TMEM67: variants seen among roughly 807,000 people sequenced by gnomAD.
TMEM67 encodes transmembrane protein 67, also known as meckelin.
Under a neutral mutation model 136.6 loss-of-function variants are expected in TMEM67, and 124 were observed. The observed-to-expected ratio is 0.91, with a 90% CI of 0.78 to 1.05. The LOEUF is 1.05. Ranked by LOEUF, TMEM67 falls within the 50% of genes least tolerant of loss-of-function variation. The pLI is 0.00. For synonymous variants in TMEM67, 364 were observed against 390.5 expected, an observed-to-expected ratio of 0.93 and a Z score of 0.80; for missense variants, 1,107 against 1,178.4, an observed-to-expected ratio of 0.94 and a Z score of 0.89.
chr8:93,755,593 C>A (rs998026472), intron 1 of TMEM67, among the ~76,000 whole-genome samples, 185 bp from the exon 2 acceptor site: 1 of 152,108 alleles, frequency 6.6e-6, no homozygotes, highest in Non-Finnish European at 1.5e-5. Flanking sequence ...AGGATTACTA[C>A]GATTGGAACT....
chr8:93,820,596 G>A (rs1809027871), downstream of TMEM67, among the ~76,000 whole-genome samples: 1 of 152,098 alleles, frequency 6.6e-6, no homozygotes, highest in Non-Finnish European at 1.5e-5. Context: ...TGCAATTTGG[G>A]CAAGTCATGA....
intron 14 of TMEM67, among the ~76,000 whole-genome samples, chr8:93,791,036 C>T (rs1446921298): frequency 6.6e-6 from 1 of 152,156 alleles, no homozygotes; most frequent in Non-Finnish European, 1.5e-5. Flanking sequence ...AACTTATCTC[C>T]TAATGAGCCC....
At chr8:93,782,509 A>T (rs1813884926) in intron 11 of TMEM67, 49 bp downstream of exon 11, 1 of 1,432,790 alleles carries the variant, frequency 7.0e-7, no homozygotes, top group Non-Finnish European at 9.8e-7. Flanking sequence ...TTTTCAAAAT[A>T]TCATGTCAGC....
rs7828806 is a variant in TMEM67 at position 93,779,714 on chromosome 8, C to T, written c.715-879C>T. On this transcript the variant is annotated intron_variant, in intron 7 of 27. Coordinates refer to ENST00000453321, the MANE Select transcript of TMEM67 (RefSeq NM_153704.6). ...ATTACCAGCGGAGGTTGTAGAACAGCAAATATTGCTGCCTGATCCTTCCTC... is the reference window on the plus strand; with the variant it reads ...ATTACCAGCGGAGGTTGTAGAACAGTAAATATTGCTGCCTGATCCTTCCTC... Among the ~76,000 whole-genome samples, 849 of 152,304 alleles carry T rather than the reference C, an allele frequency of 5.6e-3. 7 individuals carry two copies. Among genetic ancestry groups the T allele is most frequent in the Non-Finnish European group, 7.1e-3 (484 of 68,030 alleles).
At chr8:93,785,688 A>T (rs1024421510) in intron 12 of TMEM67, 4 of 257,556 alleles carry the variant, frequency 1.6e-5, no homozygotes, top group African/African-American at 6.8e-5. Flanking sequence ...TGGACAAATT[A>T]GTTTCTTTTG....
chr8:93,795,836 AAAAC>A lies in TMEM67; in HGVS notation c.1774-49_1774-46del, dbSNP rs566892857. 361 of 1,338,342 alleles carry A rather than the reference AAAAC, an allele frequency of 2.7e-4. No homozygotes were observed. The East Asian group carries it at 3.3e-3, about 12-fold the overall frequency. 82.9% of individuals were successfully genotyped at this position (1,338,342 alleles called of 1,614,324 possible). On this transcript the variant is annotated intron_variant, in intron 17 of 27. Coordinates refer to ENST00000453321, the MANE Select transcript of TMEM67 (RefSeq NM_153704.6). ...CAAAAAAAAACAAAAACGAAAACAA[AAAAC>A]AAACAAACAAACAAAAAAAACTGTG...
At chr8:93,804,949 TAA>T in intron 23 of TMEM67, 71 bp downstream of exon 23, 1 of 853,990 alleles carries the variant, frequency 1.2e-6, no homozygotes. Context: ...GGATTTGTTT[TAA>T]AAAAAAAACA....
chr8:93,804,310 CTTTTTTTTTTT>C (rs1182297223), intron 22 of TMEM67, among the ~76,000 whole-genome samples: 2,463 of 93,860 alleles, frequency 0.026, 79 homozygotes, highest in African/African-American at 0.095. Flanking sequence ...CTTTTCTTTT[CTTTTTTTTTTT>C]TTTTTTTTTT....
At chr8:93,768,481 G>GTAA (rs2130602281) in intron 6 of TMEM67, among the ~76,000 whole-genome samples, 1 of 151,670 alleles carries the variant, frequency 6.6e-6, no homozygotes, top group South Asian at 2.1e-4. Context: ...GTGTGGTGGT[G>GTAA]CCCTCTGTAA....
chr8:93,811,434 G>A (rs1273498229), intron 26 of TMEM67: 1 of 152,212 alleles, frequency 6.6e-6, no homozygotes, highest in African/African-American at 2.4e-5. Flanking sequence ...CACAGTGGAA[G>A]AGAGTACTTG....
intron 23 of TMEM67, among the ~76,000 whole-genome samples, chr8:93,807,466 GA>G (rs1216559533): frequency 1.3e-5 from 2 of 151,980 alleles, no homozygotes; most frequent in African/African-American, 4.8e-5. Flanking sequence ...ATGACATGGA[GA>G]ATTGCTCAGG....
At chr8:93,788,032 T>TA in intron 14 of TMEM67, 83 bp downstream of exon 14, 5 of 1,022,988 alleles carry the variant, frequency 4.9e-6, no homozygotes, top group Non-Finnish European at 4.5e-6. Context: ...CAAAAGACAG[T>TA]CTTTTTTTTT....
chr8:93,820,075 C>T (rs903633538), downstream of TMEM67, among the ~76,000 whole-genome samples: 6 of 152,240 alleles, frequency 3.9e-5, no homozygotes, highest in South Asian at 4.2e-4. Flanking sequence ...TCCAACGAGC[C>T]GATCCCAAAC....
chr8:93,815,731 T>C (rs1178554947), intron 27 of TMEM67, among the ~76,000 whole-genome samples: 1 of 152,180 alleles, frequency 6.6e-6, no homozygotes. Context: ...GTCTCCTAGA[T>C]GCTACAAGTG....
chr8:93,784,903 T>C (rs772428695), intron 11 of TMEM67, among the ~76,000 whole-genome samples: 1 of 152,202 alleles, frequency 6.6e-6, no homozygotes, highest in African/African-American at 2.4e-5. Context: ...TTTTCACTGA[T>C]GTACCCTTAA....
intron 11 of TMEM67, among the ~76,000 whole-genome samples, chr8:93,784,306 C>T (rs1813996903): frequency 6.6e-6 from 1 of 152,108 alleles, no homozygotes; most frequent in Non-Finnish European, 1.5e-5. Context: ...TCGTTATTAT[C>T]CCATTTGATT....
chr8:93,769,614 C>T (rs1039528789), intron 6 of TMEM67: 2 of 167,096 alleles, frequency 1.2e-5, no homozygotes, highest in African/African-American at 2.4e-5. Flanking sequence ...GTGTATAAAA[C>T]GTGTAAGCAA....
intron 14 of TMEM67, 46 bp downstream of exon 14, chr8:93,787,995 T>C (rs753530586): frequency 7.2e-7 from 1 of 1,383,184 alleles, no homozygotes; most frequent in South Asian, 1.2e-5. Flanking sequence ...AAATAGAGTA[T>C]AATACTGATT....
intron 14 of TMEM67, among the ~76,000 whole-genome samples, chr8:93,789,668 A>AT (rs1308599942): frequency 2.7e-3 from 32 of 11,874 alleles, no homozygotes; most frequent in Non-Finnish European, 0.015. Flanking sequence ...ATATATATAT[A>AT]TATTTTTTTT....
Sources: gnomAD v4.1 joint callset for allele counts (sites outside exome capture counted in the v4.1 genomes callset) on GRCh38, gnomAD v4.1.1 for gene constraint, MANE v1.5 for transcripts, NCBI Gene and HGNC (gene_info 2026-07-23, HGNC 2026-07-21) for gene names.